Variants in CHN1 observed in about 807,000 individuals in gnomAD.
The protein encoded by CHN1 is N-chimaerin.
In CHN1, 37 loss-of-function variants were observed where a neutral mutation model predicts 59.5. The observed-to-expected ratio is 0.62, with a 90% confidence interval of 0.48 to 0.82. CHN1 has a LOEUF of 0.82. Among genes scored for constraint, CHN1 ranks in the 40% least tolerant of loss-of-function variants. The pLI, the probability that CHN1 is intolerant of heterozygous loss-of-function variation, is 0.00. For missense variants in CHN1, 469 were observed against 571.0 expected (o/e 0.82, Z 1.82); for synonymous variants, 206 against 200.4 (o/e 1.03, Z -0.24).
chr2:174,854,999 C>T (rs933853618), intron 6 of CHN1, among the ~76,000 whole-genome samples: 1 of 151,996 alleles, frequency 6.6e-6, no homozygotes, highest in African/African-American at 2.4e-5. Flanking sequence ...CTCAGTAATC[C>T]CATCAAATCC....
At chr2:174,915,227 G>A in intron 4 of CHN1, 56 bp from the exon 5 acceptor site, 2 of 1,355,916 alleles carry the variant, frequency 1.5e-6, no homozygotes, top group Admixed American at 2.0e-5. Flanking sequence ...AATAAAACAA[G>A]ATAAAACAAC....
rs191115617 is a variant in CHN1, at chr2:174,881,384, G to C, written c.261-3256C>G. ...CCTTAGGCTTTGGCATCAGACAGTTGTAAGTTTAAATCCTGGATCTGCCAC... is the reference window on the plus strand; with the variant it reads ...CCTTAGGCTTTGGCATCAGACAGTTCTAAGTTTAAATCCTGGATCTGCCAC... On this transcript the variant is annotated intron_variant, in intron 5 of 12. Transcript: ENST00000409900. 4.3e-4 allele frequency among the ~76,000 whole-genome samples: 66 copies of C among 152,228 alleles called. No individual in the cohort carries two copies. The East Asian group carries it at 0.011, about 26-fold the overall frequency.
intron 11 of CHN1, among the ~76,000 whole-genome samples, chr2:174,808,006 T>G (rs1684954221): frequency 6.6e-6 from 1 of 152,284 alleles, no homozygotes; most frequent in East Asian, 1.9e-4. Flanking sequence ...AAAAATGAAG[T>G]GTGAATTACA....
intron 2 of CHN1, among the ~76,000 whole-genome samples, chr2:174,948,924 G>C (rs1057203550): frequency 6.6e-6 from 1 of 152,262 alleles, no homozygotes; most frequent in Middle Eastern, 3.4e-3. Flanking sequence ...AAGACTATTA[G>C]TAGAAAATAT....
intron 1 of CHN1, among the ~76,000 whole-genome samples, chr2:174,955,199 T>TATAA (rs1553486807): frequency 4.8e-5 from 2 of 41,370 alleles, no homozygotes; most frequent in East Asian, 8.2e-4. Context: ...TATATATATA[T>TATAA]AATTGATATA....
intron 3 of CHN1, among the ~76,000 whole-genome samples, chr2:174,940,590 G>A (rs1275581912): frequency 6.6e-6 from 1 of 151,634 alleles, no homozygotes; most frequent in Admixed American, 6.6e-5. Flanking sequence ...TCTTATGGAA[G>A]GTACACATTC....
intron 7 of CHN1, among the ~76,000 whole-genome samples, chr2:174,827,449 C>T (rs749888285): frequency 1.3e-5 from 2 of 152,088 alleles, no homozygotes; most frequent in African/African-American, 2.4e-5. Context: ...ATGAGAGAAA[C>T]AATGTGGTGT....
intron 7 of CHN1, among the ~76,000 whole-genome samples, chr2:174,826,110 T>G (rs1044527675): frequency 6.6e-6 from 1 of 152,156 alleles, no homozygotes; most frequent in Admixed American, 6.5e-5. Flanking sequence ...GTACAAAATT[T>G]TATGTTGATT....
intron 3 of CHN1, among the ~76,000 whole-genome samples, chr2:174,920,255 A>G (rs902979379): frequency 2.6e-5 from 4 of 152,170 alleles, no homozygotes; most frequent in South Asian, 2.1e-4. Flanking sequence ...GGTTGGTTCC[A>G]TATCTTGAAT....
At chr2:175,000,992 A>G (rs1315001333) in intron 1 of CHN1, among the ~76,000 whole-genome samples, 1 of 152,214 alleles carries the variant, frequency 6.6e-6, no homozygotes, top group Non-Finnish European at 1.5e-5. Context: ...ATCATAGTGC[A>G]ACTACAGTCT....
chr2:174,947,845 G>C (rs995649788), intron 2 of CHN1, among the ~76,000 whole-genome samples: 1 of 152,024 alleles, frequency 6.6e-6, no homozygotes, highest in Non-Finnish European at 1.5e-5. Flanking sequence ...CTATCAAAAA[G>C]ATCATTAAAA....
chr2:174,984,793 G>A (rs1691284295), intron 1 of CHN1, among the ~76,000 whole-genome samples: 1 of 152,124 alleles, frequency 6.6e-6, no homozygotes, highest in Admixed American at 6.5e-5. Context: ...AGTTTTCAAC[G>A]TGCAGCCTCC....
intron 7 of CHN1, among the ~76,000 whole-genome samples, chr2:174,846,040 G>A (rs547452368): frequency 3.3e-5 from 5 of 151,956 alleles, no homozygotes; most frequent in Non-Finnish European, 7.4e-5. Context: ...CTCAAGAACC[G>A]CATCACAAAG....
intron 1 of CHN1, among the ~76,000 whole-genome samples, chr2:174,997,193 C>T (rs1691735478): frequency 6.6e-6 from 1 of 152,146 alleles, no homozygotes; most frequent in Non-Finnish European, 1.5e-5. Flanking sequence ...TACTCCTTGG[C>T]AAAATTATAG....
chr2:174,843,075 TTATAA>T (rs1423483882), intron 7 of CHN1, among the ~76,000 whole-genome samples: 1 of 152,174 alleles, frequency 6.6e-6, no homozygotes, highest in Non-Finnish European at 1.5e-5. Flanking sequence ...TCTGTCGTTA[TTATAA>T]TATTGTATCT....
At chr2:174,970,537 C>T (rs758601013) in intron 1 of CHN1, among the ~76,000 whole-genome samples, 27 of 151,968 alleles carry the variant, frequency 1.8e-4, no homozygotes, top group African/African-American at 6.3e-4. Context: ...CCCATGAGAT[C>T]GATGGTGATA....
At chr2:174,896,161 A>T (rs1688212428) in intron 5 of CHN1, among the ~76,000 whole-genome samples, 1 of 152,090 alleles carries the variant, frequency 6.6e-6, no homozygotes, top group Non-Finnish European at 1.5e-5. Flanking sequence ...ACATATGTTC[A>T]TTATAAGCCC....
chr2:174,884,302 A>G (rs1379343292), intron 5 of CHN1, among the ~76,000 whole-genome samples: 1 of 152,100 alleles, frequency 6.6e-6, no homozygotes. Flanking sequence ...AAGAGAGAAG[A>G]GACAAAATGG....
At chr2:174,827,639 AAGAC>A (rs1685734927) in intron 7 of CHN1, among the ~76,000 whole-genome samples, 1 of 152,174 alleles carries the variant, frequency 6.6e-6, no homozygotes, top group African/African-American at 2.4e-5. Flanking sequence ...AGGCTGAAGG[AAGAC>A]AGACTAGGTA....
Sources: allele counts gnomAD v4.1 joint callset (sites outside exome capture counted in the v4.1 genomes callset), GRCh38; gene constraint gnomAD v4.1.1; transcripts MANE v1.5; gene names NCBI Gene and HGNC (gene_info 2026-07-23, HGNC 2026-07-21).